Variants in CSMD1 observed in about 807,000 individuals in gnomAD.
The protein encoded by CSMD1 is CUB and Sushi multiple domains 1, also known as CUB and sushi domain-containing protein 1.
Under a neutral mutation model 417.5 loss-of-function variants are expected in CSMD1, and 213 were observed. That is an observed-to-expected ratio of 0.51 (90% CI 0.46 to 0.57). CSMD1 has a LOEUF of 0.57. Among genes scored for constraint, CSMD1 ranks in the 20% least tolerant of loss-of-function variants. The probability of loss-of-function intolerance (pLI) is 0.00; values close to 1 mark genes in which losing one functional copy is unlikely to be tolerated. For synonymous variants in CSMD1, 2,862 were observed against 1,736.8 expected (o/e 1.65, Z -16.11); for missense variants, 6,923 against 4,529.7 (o/e 1.53, Z -15.17).
chr8:3,462,574 G>A (rs1182497260), intron 12 of CSMD1, among the ~76,000 whole-genome samples: 1 of 152,176 alleles, frequency 6.6e-6, no homozygotes, highest in Non-Finnish European at 1.5e-5. Context: ...CCATCACCCA[G>A]ATGGGACTGT....
intron 5 of CSMD1, among the ~76,000 whole-genome samples, chr8:3,783,852 T>A (rs1799308932): frequency 6.6e-6 from 1 of 152,206 alleles, no homozygotes; most frequent in Non-Finnish European, 1.5e-5. Context: ...GATGGATGAC[T>A]GTTTTCACCT....
chr8:4,823,647 T>C (rs1016330116), intron 1 of CSMD1, among the ~76,000 whole-genome samples: 5 of 152,014 alleles, frequency 3.3e-5, no homozygotes, highest in African/African-American at 1.2e-4. Context: ...TTAGAAAGAA[T>C]AGCAATAATC....
chr8:4,151,615 T>C (rs1042176685), intron 3 of CSMD1, among the ~76,000 whole-genome samples: 2 of 152,178 alleles, frequency 1.3e-5, no homozygotes, highest in African/African-American at 4.8e-5. Context: ...GATTGTGACA[T>C]GTAGTTTCAC....
At chr8:4,468,712 A>G (rs542064670) in intron 2 of CSMD1, among the ~76,000 whole-genome samples, 10 of 152,196 alleles carry the variant, frequency 6.6e-5, no homozygotes, top group Admixed American at 5.9e-4. Flanking sequence ...AGCATAATTC[A>G]AAAACATTGC....
intron 8 of CSMD1, among the ~76,000 whole-genome samples, chr8:3,588,647 C>T (rs966000058): frequency 2.0e-5 from 3 of 152,012 alleles, no homozygotes; most frequent in Admixed American, 2.0e-4. Flanking sequence ...GTATCAGTAG[C>T]AAATTGTATT....
intron 3 of CSMD1, among the ~76,000 whole-genome samples, chr8:4,053,765 TGGG>T (rs1038005071): frequency 6.6e-6 from 1 of 152,154 alleles, no homozygotes; most frequent in South Asian, 2.1e-4. Flanking sequence ...TGATGGCATT[TGGG>T]GGCTTAGATT....
At chr8:4,349,324 C>A (rs150304779) in intron 3 of CSMD1, among the ~76,000 whole-genome samples, 1 of 152,176 alleles carries the variant, frequency 6.6e-6, no homozygotes, top group African/African-American at 2.4e-5. Context: ...AAGACCTCCA[C>A]AGAATTGAGT....
intron 12 of CSMD1, among the ~76,000 whole-genome samples, chr8:3,456,029 C>T (rs112146780): frequency 0.02 from 2,976 of 152,260 alleles, 105 homozygotes; most frequent in African/African-American, 0.068. Context: ...CCTCCCCCAG[C>T]CTCGCCGCCG....
chr8:4,187,350 A>G (rs1009387055), intron 3 of CSMD1, among the ~76,000 whole-genome samples: 1 of 152,190 alleles, frequency 6.6e-6, no homozygotes, highest in Non-Finnish European at 1.5e-5. Flanking sequence ...ACAGGTAAGC[A>G]TTAAGTAGCA....
rs542053445 is a variant in CSMD1, at chr8:3,538,038, T to C, written c.1344+36907A>G. Among the ~76,000 whole-genome samples, 3 of 152,374 alleles carry C rather than the reference T, an allele frequency of 2.0e-5. No individual in the cohort carries two copies. The East Asian group carries it at 5.8e-4, about 29-fold the overall frequency. Reference sequence around the variant, plus strand: ...TACAAGACTGTGGTAAACCCTTTTATGCTAGATGTGCAGAACCTGATGGTC... The same window carrying C: ...TACAAGACTGTGGTAAACCCTTTTACGCTAGATGTGCAGAACCTGATGGTC... On this transcript the variant is annotated intron_variant, in intron 10 of 69. Transcript: ENST00000635120.
At chr8:3,970,492 T>C (rs1204746689) in intron 5 of CSMD1, among the ~76,000 whole-genome samples, 2 of 152,164 alleles carry the variant, frequency 1.3e-5, no homozygotes, top group Non-Finnish European at 2.9e-5. Flanking sequence ...TATGAGAATG[T>C]TCACATTCTT....
At chr8:3,228,394 T>A (rs1451543798) in intron 27 of CSMD1, among the ~76,000 whole-genome samples, 1 of 152,218 alleles carries the variant, frequency 6.6e-6, no homozygotes, top group Non-Finnish European at 1.5e-5. Flanking sequence ...AAATATAATG[T>A]TAACTTATTT....
chr8:4,524,092 T>G (rs986703431), intron 2 of CSMD1, among the ~76,000 whole-genome samples: 32 of 152,160 alleles, frequency 2.1e-4, no homozygotes, highest in Admixed American at 2.6e-4. Flanking sequence ...GACTCTGGAA[T>G]AGTCCCAAGA....
In CSMD1 at chr8:3,424,481, T is replaced by A. The variant is rs548534186; in HGVS notation, c.1562-14876A>T. Among the ~76,000 whole-genome samples, 7 of 152,354 alleles carry A rather than the reference T, an allele frequency of 4.6e-5. No homozygotes were observed. In the South Asian group the frequency reaches 1.5e-3, roughly 32 times the overall value. ...CTGTTTGTATGCGAATATGTGTAAC[T>A]TAATGATTGTCCCTTAGGTCATATA... On this transcript the variant is annotated intron_variant, in intron 12 of 69. Coordinates refer to ENST00000635120, the MANE Select transcript of CSMD1 (RefSeq NM_033225.6).
chr8:3,835,254 A>G (rs1802613270), intron 5 of CSMD1, among the ~76,000 whole-genome samples: 1 of 151,840 alleles, frequency 6.6e-6, no homozygotes. Context: ...TGCTGCTATA[A>G]AGACACATGC....
At chr8:4,278,588 G>A (rs1348080209) in intron 3 of CSMD1, among the ~76,000 whole-genome samples, 1 of 152,128 alleles carries the variant, frequency 6.6e-6, no homozygotes, top group Non-Finnish European at 1.5e-5. Flanking sequence ...CCTATTTTTA[G>A]AAAATGATTA....
chr8:4,247,050 A>G (rs1802756811), intron 3 of CSMD1, among the ~76,000 whole-genome samples: 1 of 152,208 alleles, frequency 6.6e-6, no homozygotes, highest in Non-Finnish European at 1.5e-5. Context: ...CTTAAAATAT[A>G]AAGTGAAGAA....
At chr8:4,839,681 T>A (rs920282007) in intron 1 of CSMD1, among the ~76,000 whole-genome samples, 10 of 152,188 alleles carry the variant, frequency 6.6e-5, no homozygotes, top group African/African-American at 2.4e-4. Context: ...ATTTCAGAAT[T>A]CTCACTTCTC....
At position 2,982,907 on chromosome 8, in the gene CSMD1, G is replaced by C. The variant is rs149007780; in HGVS notation, c.8378-4107C>G. ...CACGCTGGTCTCTTATAGGCAGCTTGGCTCTAAGCTGAAGGGCAGTAACAG... is the reference window on the plus strand; with the variant it reads ...CACGCTGGTCTCTTATAGGCAGCTTCGCTCTAAGCTGAAGGGCAGTAACAG... On this transcript the variant is annotated intron_variant, in intron 54 of 69. Coordinates refer to ENST00000635120, the MANE Select transcript of CSMD1 (RefSeq NM_033225.6). Among the ~76,000 whole-genome samples the C allele has an allele frequency of 6.4e-3, 976 of 152,238 alleles. 12 individuals are homozygous for C. Among genetic ancestry groups the C allele is most frequent in the African/African-American group, 0.02 (833 of 41,530 alleles).
Sources: allele counts gnomAD v4.1 joint callset (sites outside exome capture counted in the v4.1 genomes callset), GRCh38; gene constraint gnomAD v4.1.1; transcripts MANE v1.5; gene names NCBI Gene and HGNC (gene_info 2026-07-23, HGNC 2026-07-21).